RACK1: variants seen among roughly 807,000 people sequenced by gnomAD.
The protein encoded by RACK1 is receptor for activated C kinase 1, also known as small ribosomal subunit protein RACK1.
RACK1 carries 3 observed loss-of-function variants against 42.2 expected under a neutral mutation model. The observed-to-expected ratio is 0.07, with a 90% CI of 0.03 to 0.18. The LOEUF is 0.18. RACK1 is among the 10% of genes least tolerant of loss of function. RACK1 has a pLI of 1.00. For missense variants in RACK1, 146 were observed against 403.2 expected, an observed-to-expected ratio of 0.36 and a Z score of 5.46; for synonymous variants, 181 against 154.8, an observed-to-expected ratio of 1.17 and a Z score of -1.25.
rs371509460 is a variant in RACK1, at chr5:181,239,105, C to T, written c.598G>A (p.Val200Ile). The part of the protein sequence containing the change: ...GHTGYLNTVT[V>I]SPDGSLCASG... The stretch of plus-strand genomic sequence containing the variant: ...GCACAGAGGGATCCATCTGGAGAGA[C>T]AGTCACCGTGTTCAGATAGCCTGTG... Residue 200 changes from valine to isoleucine, a missense_variant, in exon 5 of 8, where the codon GTC (valine) becomes ATC (isoleucine). Val to Ile is a conservative substitution (Grantham distance 29). Coordinates refer to ENST00000512805, the MANE Select transcript of RACK1 (RefSeq NM_006098.5). The T allele has an allele frequency of 2.2e-5, 36 of 1,613,792 alleles. No individual in the cohort carries two copies. Among genetic ancestry groups the T allele is most frequent in the Non-Finnish European group, 3.0e-5 (35 of 1,179,872 alleles).
At chr5:181,242,032 G>A in intron 2 of RACK1, 142 bp downstream of exon 2, 1 of 821,382 alleles carries the variant, frequency 1.2e-6, no homozygotes, top group South Asian at 1.5e-5. Flanking sequence ...AAGTGAGGGA[G>A]GCCAAACATC....
intron 5 of RACK1, 109 bp downstream of exon 5, chr5:181,238,958 C>G (rs1561679569): frequency 1.3e-6 from 1 of 791,968 alleles, no homozygotes; most frequent in Non-Finnish European, 2.3e-6. Flanking sequence ...CATTATCCTC[C>G]TAAAACCATC....
At chr5:181,237,294 A>G (rs1759175127) in intron 7 of RACK1, 4 of 742,096 alleles carry the variant, frequency 5.4e-6, no homozygotes, top group African/African-American at 3.5e-5. Context: ...TTCAACAGCC[A>G]GCTTGTAAGT....
chr5:181,239,302 C>T, intron 4 of RACK1, 125 bp from the exon 5 acceptor site: 1 of 778,220 alleles, frequency 1.3e-6, no homozygotes, highest in Admixed American at 1.9e-5. Context: ...CATGTCCTGG[C>T]CACTTCACGT....
In RACK1 at chr5:181,236,941, G is replaced by GT. The variant is rs11445317; in HGVS notation, c.*35dup. ...AAAAACCTAAAAGTCAGAAAAGCCA[G>GT]TTTTTTTTTTATTTGTAAAGCTCTG... is the stretch of plus-strand genomic sequence containing the variant. On this transcript the variant is annotated 3_prime_UTR_variant, in exon 8 of 8. Transcript: ENST00000512805. 0.12 allele frequency: 148,010 copies of GT among 1,186,942 alleles called. 6,092 individuals are homozygous for GT. Among genetic ancestry groups the GT allele is most frequent in the African/African-American group, 0.4 (26,935 of 67,618 alleles). 73.5% of individuals were successfully genotyped at this position (1,186,942 alleles called of 1,614,324 possible). A position where few individuals can be genotyped will look rare whatever the true frequency, so the allele number is the denominator to read the frequency against.
Position 181,236,991 on chromosome 5 carries a change from T to C in RACK1, c.940A>G (p.Ile314Val). ...DNLVRVWQVTIGTR is the reference protein window; with the variant it reads ...DNLVRVWQVTVGTR ...GCCATAAACTTCTAGCGTGTGCCAA[T>C]GGTCACCTGCCACACTCGCACCAGG... The change falls in exon 8 of 8, where the codon ATT (isoleucine) becomes GTT (valine). Residue 314 changes from isoleucine (I) to valine (V), a missense_variant. Coordinates refer to ENST00000512805, the MANE Select transcript of RACK1 (RefSeq NM_006098.5). The C allele has an allele frequency of 6.2e-7, 1 of 1,613,836 alleles. No homozygotes were observed. The highest frequency in any genetic ancestry group is 8.5e-7 in the Non-Finnish European group (1 of 1,179,938).
chr5:181,243,842 C>T lies in RACK1; in HGVS notation c.-42G>A, dbSNP rs1238425870. The T allele has an allele frequency of 1.3e-6, 2 of 1,563,096 alleles. No homozygotes were observed. Among genetic ancestry groups the T allele is most frequent in the African/African-American group, 1.4e-5 (1 of 73,640 alleles). On this transcript the variant is annotated 5_prime_UTR_variant, in exon 1 of 8. Coordinates refer to ENST00000512805, the MANE Select transcript of RACK1 (RefSeq NM_006098.5). ...TGTGTCGCTGCAGCGACGAGGATGG[C>T]ACTGGATGGCTTAGAGAAACTAGCA...
intron 5 of RACK1, 122 bp from the exon 6 acceptor site, chr5:181,238,361 G>T: frequency 1.0e-6 from 1 of 977,488 alleles, no homozygotes; most frequent in Non-Finnish European, 1.6e-6. Context: ...TTCTTTGAAA[G>T]CTAATGACTC....
In RACK1 at chr5:181,243,231, G is replaced by C. The variant is rs185170432; in HGVS notation, c.109+461C>G. The C allele has an allele frequency of 1.3e-3, 1,702 of 1,320,134 alleles. 27 individuals carry two copies. The Admixed American group carries it at 0.03, about 23-fold the overall frequency. The allele number at this position is 1,320,134 out of a possible 1,614,324, so 81.8% of individuals were successfully genotyped here. A position where few individuals can be genotyped will look rare whatever the true frequency, so the allele number is the denominator to read the frequency against. On this transcript the variant is annotated intron_variant, in intron 1 of 7. Transcript: ENST00000512805. Reference sequence around the variant, plus strand: ...CAGGGATAGGGACGGGGAGAACCAGGGGCAGAAAAAGTAGGCCGACACTTG... The same window carrying C: ...CAGGGATAGGGACGGGGAGAACCAGCGGCAGAAAAAGTAGGCCGACACTTG...
intron 5 of RACK1, chr5:181,238,769 A>G: frequency 2.5e-6 from 1 of 392,476 alleles, no homozygotes; most frequent in Non-Finnish European, 4.8e-6. Flanking sequence ...ACTGCACTCC[A>G]GCCTTGGCAG....
chr5:181,241,331 G>C, intron 3 of RACK1, 161 bp downstream of exon 3: 1 of 635,482 alleles, frequency 1.6e-6, no homozygotes, highest in South Asian at 1.9e-5. Context: ...TCGGGAGACT[G>C]AGGCACCAGA....
intron 5 of RACK1, 166 bp downstream of exon 5, chr5:181,238,901 T>C (rs968753892): frequency 1.3e-5 from 9 of 704,586 alleles, no homozygotes; most frequent in Non-Finnish European, 2.3e-5. Flanking sequence ...TAACTGTCAT[T>C]TGCTGAAAGT....
intron 1 of RACK1, 73 bp from the exon 2 acceptor site, chr5:181,242,418 A>T (rs1298338793): frequency 9.8e-7 from 1 of 1,024,926 alleles, no homozygotes; most frequent in Non-Finnish European, 1.5e-6. Context: ...TAATTCACTA[A>T]GTGTCAAGGT....
intron 4 of RACK1, 25 bp from the exon 5 acceptor site, chr5:181,239,202 T>TG (rs1759252407): frequency 1.4e-6 from 2 of 1,465,420 alleles, no homozygotes; most frequent in African/African-American, 2.8e-5. Context: ...GGTTGACAGG[T>TG]GAACATCCTA....
At chr5:181,243,343 C>G (rs763503039) in intron 1 of RACK1, 2 of 1,374,146 alleles carry the variant, frequency 1.5e-6, no homozygotes, top group Admixed American at 1.9e-5. Flanking sequence ...ATTTCAGCAC[C>G]GACACTCAGA....
intron 5 of RACK1, 95 bp from the exon 6 acceptor site, chr5:181,238,334 C>A: frequency 7.9e-7 from 1 of 1,265,012 alleles, no homozygotes; most frequent in African/African-American, 1.5e-5. Context: ...TCTTACCTTT[C>A]CTCCATTACC....
At chr5:181,237,219 T>G in intron 7 of RACK1, 177 bp from the exon 8 acceptor site, 1 of 1,254,700 alleles carries the variant, frequency 8.0e-7, no homozygotes, top group Non-Finnish European at 1.1e-6. Context: ...CAAGAGATCC[T>G]CCCACCTCAG....
chr5:181,241,904 C>T, intron 2 of RACK1: 1 of 766,622 alleles, frequency 1.3e-6, no homozygotes, highest in South Asian at 1.4e-5. Context: ...TCTAATTCCA[C>T]CTGCCAATTA....
At chr5:181,242,421 G>A (rs1759378007) in intron 1 of RACK1, 76 bp from the exon 2 acceptor site, 2 of 1,005,658 alleles carry the variant, frequency 2.0e-6, no homozygotes, top group Non-Finnish European at 3.1e-6. Flanking sequence ...TTCACTAAGT[G>A]TCAAGGTCAT....
Sources: gnomAD v4.1 joint callset for allele counts on GRCh38, gnomAD v4.1.1 for gene constraint, MANE v1.5 for transcripts, NCBI Gene and HGNC (gene_info 2026-07-23, HGNC 2026-07-21) for gene names.